Variants in SHB observed in about 807,000 individuals in gnomAD.
SHB encodes the protein SH2 domain containing adaptor protein B.
In SHB, 20 loss-of-function variants were observed where a neutral mutation model predicts 52.3. The observed-to-expected ratio is 0.38, with a 90% CI of 0.27 to 0.56. SHB has a LOEUF of 0.56. SHB is among the 20% of genes least tolerant of loss of function. The pLI, the probability that SHB is intolerant of heterozygous loss-of-function variation, is 0.71. For synonymous variants in SHB, 397 were observed against 316.5 expected, an observed-to-expected ratio of 1.25 and a Z score of -2.70; for missense variants, 825 against 723.3, an observed-to-expected ratio of 1.14 and a Z score of -1.61.
At chr9:38,005,150 C>T (rs1221705820) in intron 2 of SHB, among the ~76,000 whole-genome samples, 13 of 152,124 alleles carry the variant, frequency 8.5e-5, no homozygotes, top group Admixed American at 2.0e-4. Flanking sequence ...AGGGCTGTGA[C>T]GGCATATGGA....
intron 1 of SHB, among the ~76,000 whole-genome samples, chr9:38,056,205 T>C (rs1360422690): frequency 6.6e-6 from 1 of 151,968 alleles, no homozygotes; most frequent in East Asian, 1.9e-4. Flanking sequence ...AGACACACAC[T>C]AGCCATTTGG....
At chr9:37,989,123 T>G (rs1371487311) in intron 2 of SHB, among the ~76,000 whole-genome samples, 1 of 152,004 alleles carries the variant, frequency 6.6e-6, no homozygotes, top group East Asian at 1.9e-4. Context: ...TTGGCTCTGT[T>G]TCTCTGGAGA....
At chr9:37,973,807 C>T (rs1355904911) in intron 3 of SHB, among the ~76,000 whole-genome samples, 1 of 152,106 alleles carries the variant, frequency 6.6e-6, no homozygotes, top group Non-Finnish European at 1.5e-5. Flanking sequence ...AGCGTGTGCA[C>T]GCTGAAACTG....
intron 1 of SHB, among the ~76,000 whole-genome samples, chr9:38,034,807 C>T (rs979724433): frequency 6.6e-6 from 1 of 152,242 alleles, no homozygotes; most frequent in Admixed American, 6.5e-5. Flanking sequence ...AGTGATTCTC[C>T]TGCCTCAGCC....
intron 4 of SHB, among the ~76,000 whole-genome samples, chr9:37,955,040 C>T (rs926566068): frequency 1.3e-5 from 2 of 152,072 alleles, no homozygotes; most frequent in Admixed American, 6.5e-5. Flanking sequence ...TGGGAAAACC[C>T]GCATCAAGAG....
At chr9:37,935,524 G>A (rs577888062) in intron 5 of SHB, among the ~76,000 whole-genome samples, 4 of 152,228 alleles carry the variant, frequency 2.6e-5, no homozygotes, top group African/African-American at 4.8e-5. Flanking sequence ...CTCTGAGCCC[G>A]TCTCCTTCAG....
chr9:38,015,542 T>A (rs2118076467), intron 2 of SHB: 1 of 694,662 alleles, frequency 1.4e-6, no homozygotes, highest in African/African-American at 1.8e-5. Context: ...TTTCTCGGGA[T>A]GCGGCCAGAA....
At chr9:38,025,428 G>A (rs988782781) in intron 1 of SHB, among the ~76,000 whole-genome samples, 8 of 152,218 alleles carry the variant, frequency 5.3e-5, no homozygotes, top group Admixed American at 4.6e-4. Context: ...ACCAGGGACA[G>A]GGAAAATGGG....
At chr9:38,062,321 A>T (rs1331969580) in intron 1 of SHB, among the ~76,000 whole-genome samples, 1 of 152,188 alleles carries the variant, frequency 6.6e-6, no homozygotes, top group Non-Finnish European at 1.5e-5. Context: ...ATATGGGGAT[A>T]AGGTAGATGA....
In SHB at chr9:37,987,378, G is replaced by A. The variant is rs568159647; in HGVS notation, c.839-12541C>T. Among the ~76,000 whole-genome samples, 8 of 152,360 alleles carry A rather than the reference G, an allele frequency of 5.3e-5. No individual in the cohort carries two copies. The East Asian group carries it at 1.5e-3, about 29-fold the overall frequency. ...TATGGACAGCCACAGGGCAAGCGAG[G>A]AAGGGATGGAAGCAGTCTGGCTCCA... On this transcript the variant is annotated intron_variant, in intron 2 of 5. Coordinates refer to ENST00000377707, the MANE Select transcript of SHB (RefSeq NM_003028.3).
intron 5 of SHB, among the ~76,000 whole-genome samples, chr9:37,938,033 C>T (rs1413628721): frequency 6.6e-6 from 1 of 152,238 alleles, no homozygotes; most frequent in East Asian, 1.9e-4. Flanking sequence ...TCAAGCCCCA[C>T]CGAATGCCTC....
chr9:38,007,307 T>C (rs1821085872), intron 2 of SHB, among the ~76,000 whole-genome samples: 1 of 152,260 alleles, frequency 6.6e-6, no homozygotes, highest in Admixed American at 6.5e-5. Flanking sequence ...TACTCATTCA[T>C]GCAATCGGTG....
At chr9:37,931,087 T>C (rs1440420795) in intron 5 of SHB, among the ~76,000 whole-genome samples, 1 of 152,186 alleles carries the variant, frequency 6.6e-6, no homozygotes, top group Non-Finnish European at 1.5e-5. Context: ...ACTGGACCCA[T>C]ATCTTCTATT....
chr9:38,029,072 C>T (rs1821381512), intron 1 of SHB, among the ~76,000 whole-genome samples: 1 of 152,158 alleles, frequency 6.6e-6, no homozygotes, highest in East Asian at 1.9e-4. Flanking sequence ...CTTACTGCAT[C>T]CTAGCCAGAA....
chr9:37,926,475 G>C (rs1832252445), intron 5 of SHB, among the ~76,000 whole-genome samples: 1 of 152,074 alleles, frequency 6.6e-6, no homozygotes, highest in Non-Finnish European at 1.5e-5. Flanking sequence ...GCAACACCAA[G>C]AGATGGGCCT....
At chr9:37,942,622 G>A (rs1008438256) in intron 5 of SHB, among the ~76,000 whole-genome samples, 6 of 152,222 alleles carry the variant, frequency 3.9e-5, no homozygotes, top group Non-Finnish European at 7.3e-5. Context: ...GGGCTTATCT[G>A]CCAAGCCTTA....
chr9:37,946,388 G>A (rs1188002191), intron 5 of SHB, among the ~76,000 whole-genome samples: 1 of 152,224 alleles, frequency 6.6e-6, no homozygotes, highest in Non-Finnish European at 1.5e-5. Context: ...TTTTATAACT[G>A]AGGGTACAAT....
chr9:38,006,847 A>G (rs1329971268), intron 2 of SHB, among the ~76,000 whole-genome samples: 1 of 152,220 alleles, frequency 6.6e-6, no homozygotes, highest in African/African-American at 2.4e-5. Flanking sequence ...ACTGGGCCAC[A>G]GCTGTCCCCC....
intron 2 of SHB, among the ~76,000 whole-genome samples, chr9:37,981,588 A>T (rs925210065): frequency 6.6e-6 from 1 of 151,918 alleles, no homozygotes. Context: ...TTTCCTTTAC[A>T]TCCACAACCT....
Sources: gnomAD v4.1 joint callset for allele counts (sites outside exome capture counted in the v4.1 genomes callset) on GRCh38, gnomAD v4.1.1 for gene constraint, MANE v1.5 for transcripts, NCBI Gene and HGNC (gene_info 2026-07-23, HGNC 2026-07-21) for gene names.